The following NTRK3 variants were observed in gnomAD, a reference collection of about 807,000 sequenced individuals.
NTRK3 encodes the protein NT-3 growth factor receptor.
Under a neutral mutation model 91.7 loss-of-function variants are expected in NTRK3, and 24 were observed. The observed-to-expected ratio is 0.26, with a 90% CI of 0.19 to 0.37. The LOEUF (loss-of-function observed/expected upper bound fraction) is 0.37, where lower values mean the gene tolerates loss of function less well. NTRK3 is among the 10% of genes least tolerant of loss of function. NTRK3 has a pLI of 1.00. For missense variants in NTRK3, 880 were observed against 1,068.9 expected, an observed-to-expected ratio of 0.82 and a Z score of 2.46; for synonymous variants, 483 against 404.0, an observed-to-expected ratio of 1.20 and a Z score of -2.34.
At chr15:87,871,805 G>C (rs2064833215) in exon 19 of NTRK3, 2 of 221,100 alleles carry the variant, frequency 9.0e-6, no homozygotes, top group South Asian at 3.7e-4. Flanking sequence ...CCAATATATA[G>C]AAATAAACAC....
intron 3 of NTRK3, among the ~76,000 whole-genome samples, chr15:88,244,435 T>C (rs2052642948): frequency 6.6e-6 from 1 of 152,196 alleles, no homozygotes. Context: ...GATTGGAACC[T>C]GAGACAGATG....
At chr15:88,184,419 A>G in intron 3 of NTRK3, 120 bp from the exon 4 acceptor site, 6 of 937,448 alleles carry the variant, frequency 6.4e-6, no homozygotes, top group Non-Finnish European at 8.5e-6. Context: ...GCCTTTTGCC[A>G]AGTCACCAAA....
chr15:87,981,129 T>C (rs2074225105), intron 14 of NTRK3: 3 of 1,542,110 alleles, frequency 1.9e-6, no homozygotes, highest in Non-Finnish European at 2.6e-6. Context: ...GTCCACGAAA[T>C]ATATGGAGGC....
intron 10 of NTRK3, among the ~76,000 whole-genome samples, chr15:88,129,622 G>T (rs2053615246): frequency 1.3e-5 from 2 of 152,260 alleles, no homozygotes; most frequent in South Asian, 2.1e-4. Flanking sequence ...TGATTTCAGG[G>T]CCGGACCAGG....
intron 5 of NTRK3, among the ~76,000 whole-genome samples, chr15:88,157,469 G>C (rs1157939352): frequency 6.6e-6 from 1 of 152,030 alleles, no homozygotes; most frequent in Admixed American, 6.5e-5. Context: ...TCCTGCCCTG[G>C]CCTCTTGATG....
At chr15:88,176,475 C>T (rs2046009549) in intron 5 of NTRK3, among the ~76,000 whole-genome samples, 1 of 152,130 alleles carries the variant, frequency 6.6e-6, no homozygotes, top group African/African-American at 2.4e-5. Flanking sequence ...ATAGTTTCTA[C>T]CATACATAGA....
At chr15:88,083,907 C>G (rs544537279) in intron 13 of NTRK3, among the ~76,000 whole-genome samples, 1 of 152,110 alleles carries the variant, frequency 6.6e-6, no homozygotes, top group South Asian at 2.1e-4. Context: ...TCCAGCAATC[C>G]CACAGCCTCC....
At chr15:88,138,725 G>A (rs2042107181) in intron 6 of NTRK3, among the ~76,000 whole-genome samples, 1 of 152,132 alleles carries the variant, frequency 6.6e-6, no homozygotes. Context: ...CCAGTCCCTT[G>A]CCATGCTATA....
chr15:88,132,535 T>A (rs1162710774), intron 10 of NTRK3, among the ~76,000 whole-genome samples: 1 of 152,204 alleles, frequency 6.6e-6, no homozygotes, highest in Non-Finnish European at 1.5e-5. Flanking sequence ...TAAGTCTGTC[T>A]GATTTCAGAC....
chr15:88,092,314 G>T (rs922155292), intron 13 of NTRK3, among the ~76,000 whole-genome samples: 1 of 152,170 alleles, frequency 6.6e-6, no homozygotes, highest in African/African-American at 2.4e-5. Context: ...TCAAGGCTCC[G>T]ACTGCATGGC....
intron 3 of NTRK3, among the ~76,000 whole-genome samples, chr15:88,200,475 C>T (rs1363150542): frequency 1.3e-5 from 2 of 152,194 alleles, no homozygotes; most frequent in African/African-American, 2.4e-5. Context: ...ATAATCCCCA[C>T]GTGTCATGGA....
exon 19 of NTRK3, chr15:87,868,999 G>A (rs1004041127): frequency 8.7e-6 from 2 of 228,728 alleles, no homozygotes; most frequent in Non-Finnish European, 1.7e-5. Context: ...AGGGCTCAAT[G>A]ACTTAGGACA....
intron 14 of NTRK3, among the ~76,000 whole-genome samples, chr15:87,973,384 CA>C (rs1379946125): frequency 1.3e-5 from 2 of 152,110 alleles, no homozygotes; most frequent in African/African-American, 4.8e-5. Flanking sequence ...CAGAACCACC[CA>C]AAAAAGCAGA....
intron 13 of NTRK3, among the ~76,000 whole-genome samples, chr15:88,108,892 G>A (rs1194295724): frequency 6.6e-6 from 1 of 152,126 alleles, no homozygotes; most frequent in South Asian, 2.1e-4. Context: ...AGGGCTCCAC[G>A]TGCACCATAA....
chr15:87,917,699 A>C (rs934864344), intron 17 of NTRK3, among the ~76,000 whole-genome samples: 1 of 152,086 alleles, frequency 6.6e-6, no homozygotes, highest in African/African-American at 2.4e-5. Flanking sequence ...GTAGTAAGTG[A>C]GTTATTCATC....
chr15:88,072,363 C>T (rs549199466), intron 13 of NTRK3: 144 of 198,988 alleles, frequency 7.2e-4, no homozygotes, highest in Non-Finnish European at 1.2e-3. Context: ...CAGAGTGACG[C>T]AGACCAGCTC....
chr15:87,930,533 G>A (rs376526833), intron 16 of NTRK3, among the ~76,000 whole-genome samples: 3 of 152,256 alleles, frequency 2.0e-5, no homozygotes, highest in Admixed American at 6.5e-5. Context: ...CAAGGAAGAG[G>A]GGTCAGCAGA....
intron 13 of NTRK3, among the ~76,000 whole-genome samples, chr15:88,052,005 A>C (rs1418924699): frequency 6.6e-6 from 1 of 152,150 alleles, no homozygotes; most frequent in African/African-American, 2.4e-5. Context: ...AGACTGGCTA[A>C]CTCTTCTTGG....
intron 18 of NTRK3, among the ~76,000 whole-genome samples, chr15:87,877,621 C>G (rs1285440077): frequency 1.3e-5 from 2 of 152,036 alleles, no homozygotes; most frequent in African/African-American, 4.8e-5. Flanking sequence ...GTTGCAGACT[C>G]TGTGCACGTC....
Sources: gnomAD v4.1 joint callset for allele counts (sites outside exome capture counted in the v4.1 genomes callset) on GRCh38, gnomAD v4.1.1 for gene constraint, MANE v1.5 for transcripts, NCBI Gene and HGNC (gene_info 2026-07-23, HGNC 2026-07-21) for gene names.